RORA: variants seen among roughly 807,000 people sequenced by gnomAD.
RORA encodes the protein nuclear receptor ROR-alpha.
In RORA, 7 loss-of-function variants were observed where a neutral mutation model predicts 69.5. That is an observed-to-expected ratio of 0.10 (90% CI 0.06 to 0.19). The LOEUF is 0.19. Among genes scored for constraint, RORA ranks in the 10% least tolerant of loss-of-function variants. RORA has a pLI of 1.00. For missense variants in RORA, 457 were observed against 663.0 expected (o/e 0.69, Z 3.41); for synonymous variants, 261 against 240.8 (o/e 1.08, Z -0.78).
chr15:61,141,936 GGTGA>G (rs976047786), intron 1 of RORA, among the ~76,000 whole-genome samples: 6 of 152,164 alleles, frequency 3.9e-5, no homozygotes, highest in African/African-American at 1.4e-4. Flanking sequence ...TGCCTGAGCA[GGTGA>G]GTGCTTCCAG....
chr15:60,977,539 T>A (rs897979872), intron 1 of RORA, among the ~76,000 whole-genome samples: 1 of 152,186 alleles, frequency 6.6e-6, no homozygotes, highest in African/African-American at 2.4e-5. Flanking sequence ...TTCACAGTTG[T>A]GTATGACCAT....
At chr15:60,966,745 A>G (rs993144383) in intron 1 of RORA, among the ~76,000 whole-genome samples, 6 of 152,240 alleles carry the variant, frequency 3.9e-5, no homozygotes, top group Admixed American at 2.0e-4. Context: ...TCAGCCACAG[A>G]AGTAAACACA....
chr15:61,036,181 A>G (rs1896449782), intron 1 of RORA, among the ~76,000 whole-genome samples: 1 of 152,198 alleles, frequency 6.6e-6, no homozygotes, highest in African/African-American at 2.4e-5. Flanking sequence ...GGCAGCAACC[A>G]GGGAAAATTC....
chr15:60,855,618 A>C (rs1431784821), intron 1 of RORA, among the ~76,000 whole-genome samples: 3 of 151,904 alleles, frequency 2.0e-5, no homozygotes, highest in Non-Finnish European at 4.4e-5. Context: ...GCTTTTATTT[A>C]TTTATTTATT....
intron 2 of RORA, chr15:60,547,662 G>T: frequency 6.8e-6 from 1 of 147,026 alleles, no homozygotes; most frequent in African/African-American, 2.6e-5. Flanking sequence ...GCCTGGTTTG[G>T]TTTCTTCACT....
At chr15:61,021,895 G>A (rs755146348) in intron 1 of RORA, among the ~76,000 whole-genome samples, 15 of 152,200 alleles carry the variant, frequency 9.9e-5, no homozygotes, top group Non-Finnish European at 2.1e-4. Flanking sequence ...TCTTACTGGT[G>A]CACTGGGATT....
At chr15:60,909,682 G>A (rs571246736) in intron 1 of RORA, among the ~76,000 whole-genome samples, 5 of 152,320 alleles carry the variant, frequency 3.3e-5, no homozygotes, top group Admixed American at 1.3e-4. Context: ...CCCACTAAGC[G>A]TGGGTCACAT....
At chr15:60,634,734 C>A in intron 2 of RORA, among the ~76,000 whole-genome samples, 1 of 152,288 alleles carries the variant, frequency 6.6e-6, no homozygotes, top group South Asian at 2.1e-4. Flanking sequence ...CCCCAACTCT[C>A]CTGTAATTCC....
intron 2 of RORA, among the ~76,000 whole-genome samples, chr15:60,643,646 C>A (rs1422834829): frequency 6.6e-6 from 1 of 152,192 alleles, no homozygotes; most frequent in Non-Finnish European, 1.5e-5. Context: ...AGAAGCTGAA[C>A]CTCCTTGGCG....
chr15:61,195,348 C>T (rs2079837649), intron 1 of RORA, among the ~76,000 whole-genome samples: 1 of 151,916 alleles, frequency 6.6e-6, no homozygotes, highest in African/African-American at 2.4e-5. Flanking sequence ...CATGGGTTCG[C>T]TCTTCCCAGA....
Position 60,489,969 on chromosome 15 carries a change from A to G in RORA, c.*7486T>C, listed in dbSNP as rs564534565. The G allele has an allele frequency of 1.5e-4, 23 of 152,286 alleles. No individual in the cohort carries two copies. The South Asian group carries it at 4.8e-3, about 32-fold the overall frequency. 9.4% of individuals were successfully genotyped at this position (152,286 alleles called of 1,614,324 possible). A position where few individuals can be genotyped will look rare whatever the true frequency, so the allele number is the denominator to read the frequency against. ...AGTAGCAAACATAAAGTAAATGCTA[A>G]TAAGTTTCCATATAGCCATATTTAT... On this transcript the variant is annotated 3_prime_UTR_variant, in exon 11 of 11. Coordinates refer to ENST00000335670, the MANE Select transcript of RORA (RefSeq NM_134261.3).
chr15:60,695,303 TACACTAACTTA>T (rs2070885941), intron 1 of RORA, among the ~76,000 whole-genome samples: 1 of 152,158 alleles, frequency 6.6e-6, no homozygotes, highest in Non-Finnish European at 1.5e-5. Context: ...AAATTCAGGC[TACACTAACTTA>T]GCCCAACCCT....
intron 1 of RORA, among the ~76,000 whole-genome samples, chr15:60,779,451 G>T (rs139686686): frequency 1.3e-5 from 2 of 152,254 alleles, no homozygotes; most frequent in East Asian, 3.9e-4. Context: ...GGGTTTTACC[G>T]GCCCAGCCCT....
chr15:61,151,116 T>A (rs2079394372), intron 1 of RORA, among the ~76,000 whole-genome samples: 1 of 152,204 alleles, frequency 6.6e-6, no homozygotes. Flanking sequence ...TTTTACTCTA[T>A]GCCCAATGTA....
chr15:60,767,884 G>A lies in RORA; in HGVS notation c.167-89198C>T, dbSNP rs114090587. 3.9e-3 allele frequency among the ~76,000 whole-genome samples: 589 copies of A among 152,242 alleles called. 3 individuals are homozygous for A. The highest frequency in any genetic ancestry group is 0.014 in the African/African-American group (561 of 41,534). On this transcript the variant is annotated intron_variant, in intron 1 of 10. Coordinates refer to ENST00000335670, the MANE Select transcript of RORA (RefSeq NM_134261.3). ...TCAGGTGTCTCGTGGTAAAAGGTCC[G>A]TACACTGGTGGCTTTTCACTGGACT...
At chr15:60,605,026 C>T (rs914318803) in intron 2 of RORA, among the ~76,000 whole-genome samples, 11 of 152,152 alleles carry the variant, frequency 7.2e-5, no homozygotes, top group African/African-American at 1.4e-4. Flanking sequence ...TTTATTTGGA[C>T]ATACAGATAG....
At chr15:60,817,044 G>T (rs2072827898) in intron 1 of RORA, among the ~76,000 whole-genome samples, 1 of 152,074 alleles carries the variant, frequency 6.6e-6, no homozygotes, top group African/African-American at 2.4e-5. Context: ...TATATTTATG[G>T]TGTACAATGT....
At chr15:61,140,440 T>C (rs1221335649) in intron 1 of RORA, among the ~76,000 whole-genome samples, 2 of 152,192 alleles carry the variant, frequency 1.3e-5, no homozygotes, top group African/African-American at 2.4e-5. Context: ...TCCTTCAACA[T>C]ATATTCTGTG....
At chr15:60,574,630 T>C (rs891628244) in intron 2 of RORA, among the ~76,000 whole-genome samples, 1 of 152,224 alleles carries the variant, frequency 6.6e-6, no homozygotes, top group Non-Finnish European at 1.5e-5. Flanking sequence ...CAACACTTCT[T>C]CAGTGCCTGC....
Sources: gnomAD v4.1 joint callset for allele counts (sites outside exome capture counted in the v4.1 genomes callset) on GRCh38, gnomAD v4.1.1 for gene constraint, MANE v1.5 for transcripts, NCBI Gene and HGNC (gene_info 2026-07-23, HGNC 2026-07-21) for gene names.